The following TIAM1 variants were observed in gnomAD, a reference collection of about 807,000 sequenced individuals.
The protein encoded by TIAM1 is TIAM Rac1 associated GEF 1.
A neutral mutation model predicts 163.5 loss-of-function variants in TIAM1; 65 were observed. The ratio of observed to expected loss-of-function variants is 0.40; its 90% CI spans 0.33 to 0.49. The LOEUF (loss-of-function observed/expected upper bound fraction) is 0.49. Among genes scored for constraint, TIAM1 ranks in the 20% least tolerant of loss-of-function variants. The probability of loss-of-function intolerance (pLI) is 0.77; values close to 1 mark genes in which losing one functional copy is unlikely to be tolerated. For missense variants in TIAM1, 1,789 were observed against 2,044.7 expected (o/e 0.87, Z 2.41); for synonymous variants, 833 against 810.1 (o/e 1.03, Z -0.48).
intron 2 of TIAM1, among the ~76,000 whole-genome samples, chr21:31,406,701 C>A (rs1305170273): frequency 6.6e-6 from 1 of 152,158 alleles, no homozygotes. Flanking sequence ...CCCATCAGAG[C>A]TCTCAGCCCT....
chr21:31,284,736 G>A (rs1269074112), intron 2 of TIAM1, among the ~76,000 whole-genome samples: 1 of 151,944 alleles, frequency 6.6e-6, no homozygotes, highest in Non-Finnish European at 1.5e-5. Flanking sequence ...AAGTTAGCCA[G>A]GCTGGTCTTG....
intron 2 of TIAM1, among the ~76,000 whole-genome samples, chr21:31,313,923 A>G (rs546657351): frequency 3.9e-5 from 6 of 152,364 alleles, no homozygotes; most frequent in African/African-American, 1.2e-4. Flanking sequence ...ACAAGGCCAG[A>G]GTGCCCATTC....
intron 17 of TIAM1, 40 bp downstream of exon 17, chr21:31,154,207 C>G (rs12482307): frequency 2.5e-6 from 4 of 1,596,240 alleles, no homozygotes; most frequent in Non-Finnish European, 3.4e-6. Flanking sequence ...CACTCCTTTA[C>G]GAGGCAGAGG....
chr21:31,203,678 G>A (rs1394676532), intron 11 of TIAM1, among the ~76,000 whole-genome samples: 2 of 152,168 alleles, frequency 1.3e-5, no homozygotes, highest in Admixed American at 1.3e-4. Flanking sequence ...TTCATAGATA[G>A]GTGATTAAAG....
chr21:31,322,244 T>C (rs1368518914), intron 2 of TIAM1, among the ~76,000 whole-genome samples: 3 of 152,218 alleles, frequency 2.0e-5, no homozygotes, highest in Admixed American at 1.3e-4. Context: ...AAATACTAGC[T>C]TGGAGTCCAG....
In TIAM1 at chr21:31,231,937, G is replaced by A. The variant is rs572105027; in HGVS notation, c.1585-5987C>T. Among the ~76,000 whole-genome samples, 121 of 151,994 alleles carry A rather than the reference G, an allele frequency of 8.0e-4. 1 individual carries two copies. Among genetic ancestry groups the A allele is most frequent in the African/African-American group, 2.8e-3 (118 of 41,440 alleles). On this transcript the variant is annotated intron_variant, in intron 6 of 27. Transcript: ENST00000541036. Reference sequence around the variant, plus strand: ...CTGAGGCACAAAATCGCTTGAACCCGGGAGGCGGAGGTTGTAGTGAGCTGA... The same window carrying A: ...CTGAGGCACAAAATCGCTTGAACCCAGGAGGCGGAGGTTGTAGTGAGCTGA...
At chr21:31,369,435 G>T (rs200263791) in intron 2 of TIAM1, among the ~76,000 whole-genome samples, 2 of 110,972 alleles carry the variant, frequency 1.8e-5, no homozygotes, top group Non-Finnish European at 3.4e-5. Flanking sequence ...GATAAGGAAA[G>T]GTTGCTTAAC....
In TIAM1 at chr21:31,251,789, T is replaced by C. The variant is rs761844756; in HGVS notation, c.1364A>G (p.Glu455Gly). Residue 455 changes from glutamate (E) to glycine (G), a missense_variant, in exon 5 of 28, where the codon GAG becomes GGG. This residue lies in a region of TIAM1 where 456 missense variants were observed against 586.6 expected (regional missense o/e 0.78). Coordinates refer to ENST00000541036, the MANE Select transcript of TIAM1 (RefSeq NM_001353694.2). The part of the protein sequence containing the change: ...FLVHKKNKKV[E>G]SATRRKWKHY... ...CTTCCACTTCCTCCGGGTGGCTGACTCCACCTTCTTGTTCTTCTTGTGCAC... is the reference window on the plus strand; with the variant it reads ...CTTCCACTTCCTCCGGGTGGCTGACCCCACCTTCTTGTTCTTCTTGTGCAC... The C allele has an allele frequency of 6.2e-7, 1 of 1,609,516 alleles. No individual in the cohort carries two copies. The highest frequency in any genetic ancestry group is 8.5e-7 in the Non-Finnish European group (1 of 1,176,526).
intron 2 of TIAM1, among the ~76,000 whole-genome samples, chr21:31,380,505 T>C (rs1422900087): frequency 1.3e-5 from 2 of 152,108 alleles, no homozygotes; most frequent in Non-Finnish European, 2.9e-5. Context: ...ATCACACCAT[T>C]GCACTCCAGC....
At chr21:31,184,880 C>T (rs2085205322) in intron 14 of TIAM1, among the ~76,000 whole-genome samples, 1 of 152,168 alleles carries the variant, frequency 6.6e-6, no homozygotes, top group Admixed American at 6.6e-5. Context: ...ACTCGTCACA[C>T]CTTTGCCTTT....
At position 31,130,324 on chromosome 21, in the gene TIAM1, G is replaced by C. The variant is rs994290617; in HGVS notation, c.3943-9C>G. ...AGCCTGTGAGATCCTACCTGCAGAG[G>C]AGAAGGAACCAGCTGCATAAGAAGA... On this transcript the variant is annotated splice_polypyrimidine_tract_variant and intron_variant, in intron 24 of 27. Transcript: ENST00000541036. 5.6e-6 allele frequency: 9 copies of C among 1,609,036 alleles called. No homozygotes were observed. The African/African-American group carries it at 9.4e-5, about 17-fold the overall frequency.
chr21:31,120,865 T>G lies in TIAM1; in HGVS notation c.4307-28A>C. The G allele has an allele frequency of 6.4e-7, 1 of 1,553,188 alleles. No homozygotes were observed. The highest frequency in any genetic ancestry group is 8.7e-7 in the Non-Finnish European group (1 of 1,152,090). ...GCACACACACACAAAAATATAAAAA[T>G]AAAACCCCCACATGCTTTACGTGAG... On this transcript the variant is annotated intron_variant, in intron 27 of 27. Transcript: ENST00000541036. This position sits in a 1 kb window ranked among gnomAD's most constrained non-coding sequence, Gnocchi z 4.2.
intron 22 of TIAM1, among the ~76,000 whole-genome samples, chr21:31,139,996 A>G (rs2082773785): frequency 1.3e-5 from 2 of 152,224 alleles, no homozygotes; most frequent in Non-Finnish European, 2.9e-5. Context: ...CTCCATATGT[A>G]AACTTCTGTG....
At chr21:31,144,913 T>C (rs1479960364) in intron 20 of TIAM1, among the ~76,000 whole-genome samples, 4 of 147,568 alleles carry the variant, frequency 2.7e-5, no homozygotes, top group Non-Finnish European at 6.0e-5. Flanking sequence ...TGAAAGATAA[T>C]ATAATATTTT....
At chr21:31,445,502 A>T (rs1262480510) in intron 2 of TIAM1, among the ~76,000 whole-genome samples, 1 of 152,210 alleles carries the variant, frequency 6.6e-6, no homozygotes, top group Admixed American at 6.5e-5. Context: ...TTATATTCCC[A>T]CTTGCCATTC....
At chr21:31,320,077 T>C (rs1431673934) in intron 2 of TIAM1, among the ~76,000 whole-genome samples, 1 of 152,188 alleles carries the variant, frequency 6.6e-6, no homozygotes, top group Non-Finnish European at 1.5e-5. Flanking sequence ...AAACAAAACA[T>C]ATGTATATAT....
At chr21:31,215,957 T>A (rs1304074676) in intron 9 of TIAM1, among the ~76,000 whole-genome samples, 3 of 152,102 alleles carry the variant, frequency 2.0e-5, no homozygotes, top group African/African-American at 7.2e-5. Flanking sequence ...GGTCAGGAGT[T>A]CGAGACCAGC....
intron 3 of TIAM1, among the ~76,000 whole-genome samples, chr21:31,276,317 T>C (rs997969147): frequency 2.6e-5 from 4 of 152,244 alleles, no homozygotes; most frequent in African/African-American, 9.6e-5. Flanking sequence ...TCTTTGATTT[T>C]GAAAAGATTA....
At chr21:31,267,507 C>T (rs1262437127) in intron 3 of TIAM1, among the ~76,000 whole-genome samples, 5 of 137,392 alleles carry the variant, frequency 3.6e-5, no homozygotes, top group Non-Finnish European at 7.6e-5. Flanking sequence ...GGGTACGTTT[C>T]GTTTTTTCAT....
Sources: gnomAD v4.1 joint callset for allele counts (sites outside exome capture counted in the v4.1 genomes callset) on GRCh38, gnomAD v4.1.1 for gene constraint, gnomAD v4.1.1 regional missense constraint, Gnocchi (gnomAD v3.1) non-coding constraint, MANE v1.5 for transcripts, NCBI Gene and HGNC (gene_info 2026-07-23, HGNC 2026-07-21) for gene names.